CAPN9: variants seen among roughly 807,000 people sequenced by gnomAD.
CAPN9 encodes the protein calpain 9, also known as calpain-9.
CAPN9 carries 81 observed loss-of-function variants against 92.8 expected under a neutral mutation model. The ratio of observed to expected loss-of-function variants is 0.87; its 90% CI spans 0.73 to 1.05. CAPN9 has a LOEUF of 1.05. Ranked by LOEUF, CAPN9 falls within the 50% of genes least tolerant of loss-of-function variation. The pLI is 0.00. For missense variants in CAPN9, 848 were observed against 866.2 expected, an observed-to-expected ratio of 0.98 and a Z score of 0.26; for synonymous variants, 304 against 328.0, an observed-to-expected ratio of 0.93 and a Z score of 0.79.
intron 1 of CAPN9, among the ~76,000 whole-genome samples, chr1:230,751,605 GAAAGAGAAAGAAAGAA>G (rs1375296806): frequency 0.1 from 2,919 of 28,858 alleles, 63 homozygotes; most frequent in Non-Finnish European, 0.12. Context: ...AAGAAAGAAA[GAAAGAGAAAGAAAGAA>G]AGAAAGAAAG....
At chr1:230,756,984 GAGA>G in intron 2 of CAPN9, among the ~76,000 whole-genome samples, 3 of 92,126 alleles carry the variant, frequency 3.3e-5, no homozygotes, top group Admixed American at 1.2e-4. Flanking sequence ...AAGGAAGGGA[GAGA>G]GGGAGGAAGG....
Position 230,774,625 on chromosome 1 carries a change from A to C in CAPN9, c.947A>C (p.Glu316Ala). The C allele has an allele frequency of 6.2e-7, 1 of 1,613,078 alleles. No individual in the cohort carries two copies. The highest frequency in any genetic ancestry group is 8.5e-7 in the Non-Finnish European group (1 of 1,179,156). Residue 316 changes from glutamate to alanine, a missense_variant, in exon 8 of 20, where the codon GAA becomes GCA. Physicochemically the swap from Glu to Ala is moderately radical, Grantham distance 107. Transcript: ENST00000271971. ...TGTCACACTGCTCTGGATGATGGGG[A>C]ATTCTGGTACCGTGCTTGTTCCTGT... ...RLCHTALDDGEFWMAFKDFKA... is the reference protein window; with the variant it reads ...RLCHTALDDGAFWMAFKDFKA...
chr1:230,785,894 C>G, intron 11 of CAPN9, 87 bp from the exon 12 acceptor site: 1 of 1,322,732 alleles, frequency 7.6e-7, no homozygotes. Flanking sequence ...GGGACAGAAC[C>G]TTCCCAGGCT....
At chr1:230,785,873 A>C (rs547149112) in intron 11 of CAPN9, 108 bp from the exon 12 acceptor site, 3 of 1,025,996 alleles carry the variant, frequency 2.9e-6, no homozygotes, top group South Asian at 2.6e-5. Flanking sequence ...CTGAACAATA[A>C]GGGATTCAAA....
At position 230,763,347 on chromosome 1, in the gene CAPN9, C is replaced by T. The variant is rs147368392; in HGVS notation, c.536+561C>T. ...AGCTATCACCACGATCTATCTCCAG[C>T]ACTTTTTCATCTTGCAAAACTGAAA... is the stretch of plus-strand genomic sequence containing the variant. On this transcript the variant is annotated intron_variant, in intron 4 of 19. Transcript: ENST00000271971. Among the ~76,000 whole-genome samples, 9 of 152,290 alleles carry T rather than the reference C, an allele frequency of 5.9e-5. No homozygotes were observed. The East Asian group carries it at 1.4e-3, about 23-fold the overall frequency.
At chr1:230,752,973 C>G (rs1483595605) in intron 1 of CAPN9, among the ~76,000 whole-genome samples, 1 of 152,166 alleles carries the variant, frequency 6.6e-6, no homozygotes, top group Admixed American at 6.5e-5. Context: ...TGACATGGTC[C>G]TGGTTTGCAT....
At chr1:230,800,766 AG>A (rs1204734329) in intron 19 of CAPN9, among the ~76,000 whole-genome samples, 1 of 152,180 alleles carries the variant, frequency 6.6e-6, no homozygotes, top group Non-Finnish European at 1.5e-5. Flanking sequence ...GTGAGGCCCA[AG>A]CATTGTTTTT....
intron 2 of CAPN9, among the ~76,000 whole-genome samples, chr1:230,757,737 T>C (rs1161093252): frequency 4.9e-5 from 5 of 102,872 alleles, no homozygotes; most frequent in African/African-American, 7.3e-5. Flanking sequence ...AAAAAAAAAC[T>C]AGAACACACT....
intron 8 of CAPN9, among the ~76,000 whole-genome samples, chr1:230,775,199 G>A (rs368079737): frequency 2.0e-5 from 3 of 152,094 alleles, no homozygotes; most frequent in African/African-American, 7.2e-5. Context: ...ATCCAATAGA[G>A]GAAGAGCCTC....
In CAPN9 at chr1:230,795,170, G is replaced by A. The variant is rs751330326; in HGVS notation, c.1878G>A (p.Gln626=). 18 of 1,610,134 alleles carry A rather than the reference G, an allele frequency of 1.1e-5. No individual in the cohort carries two copies. In the South Asian group the frequency reaches 1.9e-4, roughly 17 times the overall value. Residue 626 remains glutamine, a synonymous_variant, in exon 18 of 20, where the codon CAG becomes CAA. Transcript: ENST00000271971. ...LRTALKAAGF[Q]LSSHLLQLIV... ...CCTCCTTTGTCCCCACAGGCTTTCA[G>A]CTGAGCAGCCACCTCCTGCAGCTGA...
At chr1:230,784,511 G>C (rs551542123) in intron 11 of CAPN9, among the ~76,000 whole-genome samples, 1 of 152,336 alleles carries the variant, frequency 6.6e-6, no homozygotes, top group Non-Finnish European at 1.5e-5. Context: ...AGCTGCTCCA[G>C]CTCCAGTCTC....
At chr1:230,752,161 G>C (rs916993972) in intron 1 of CAPN9, among the ~76,000 whole-genome samples, 1 of 151,728 alleles carries the variant, frequency 6.6e-6, no homozygotes. Context: ...ACCACACCTG[G>C]GCACACACAA....
In CAPN9 at chr1:230,779,136, A is replaced by G. The variant is rs1667037220; in HGVS notation, c.1114+3A>G. 1 of 1,611,880 alleles carries G rather than the reference A, an allele frequency of 6.2e-7. No homozygotes were observed. The highest frequency in any genetic ancestry group is 2.2e-5 in the East Asian group (1 of 44,862). On this transcript the variant is annotated splice_donor_region_variant and intron_variant, in intron 9 of 19. Transcript: ENST00000271971. Reference sequence around the variant, plus strand: ...TGGGGGCTGCCGCAATTTCCTGGGTAGGTAGGCTGCCTGTCACTCTCTCTG... The same window carrying G: ...TGGGGGCTGCCGCAATTTCCTGGGTGGGTAGGCTGCCTGTCACTCTCTCTG...
chr1:230,767,151 A>G (rs1183048154), intron 4 of CAPN9, among the ~76,000 whole-genome samples: 1 of 152,192 alleles, frequency 6.6e-6, no homozygotes, highest in Non-Finnish European at 1.5e-5. Context: ...AGAGTGAGAC[A>G]CACGATTTGA....
intron 7 of CAPN9, 61 bp from the exon 8 acceptor site, chr1:230,774,493 C>A: frequency 5.4e-6 from 6 of 1,105,344 alleles, no homozygotes; most frequent in South Asian, 1.2e-5. Context: ...GGTTCCACAT[C>A]AAGGCCATTG....
Position 230,780,052 on chromosome 1 carries a change from C to T in CAPN9, c.1115-127C>T, listed in dbSNP as rs73106667. On this transcript the variant is annotated intron_variant, in intron 9 of 19. Coordinates refer to ENST00000271971, the MANE Select transcript of CAPN9 (RefSeq NM_006615.3). ...TATTACTTTCTCATGTTTGGTAGGA[C>T]ATATAATGAGGGCAGATAGGTGTAT... 8,439 of 682,254 alleles carry T rather than the reference C, an allele frequency of 0.012. 496 individuals carry two copies. In the African/African-American group the frequency reaches 0.13, roughly 11 times the overall value. The allele number at this position is 682,254 out of a possible 1,614,324, so 42.3% of individuals were successfully genotyped here. A position where few individuals can be genotyped will look rare whatever the true frequency, so the allele number is the denominator to read the frequency against.
At chr1:230,778,877 G>C (rs1390108886) in intron 8 of CAPN9, 96 bp from the exon 9 acceptor site, 13 of 1,161,178 alleles carry the variant, frequency 1.1e-5, no homozygotes, top group Non-Finnish European at 1.5e-5. Flanking sequence ...GGAACAAGAT[G>C]ATTTAATGAA....
chr1:230,800,837 TC>T (rs996688668), intron 19 of CAPN9, among the ~76,000 whole-genome samples: 18 of 152,090 alleles, frequency 1.2e-4, no homozygotes, highest in African/African-American at 4.1e-4. Context: ...TGTTTTAAAG[TC>T]CCTCTCCTTT....
chr1:230,794,538 C>T (rs572856050), intron 17 of CAPN9, among the ~76,000 whole-genome samples: 34 of 152,298 alleles, frequency 2.2e-4, no homozygotes, highest in African/African-American at 4.3e-4. Flanking sequence ...CTAAACTCCT[C>T]ATTTGACAAT....
Sources: gnomAD v4.1 joint callset for allele counts (sites outside exome capture counted in the v4.1 genomes callset) on GRCh38, gnomAD v4.1.1 for gene constraint, MANE v1.5 for transcripts, NCBI Gene and HGNC (gene_info 2026-07-23, HGNC 2026-07-21) for gene names.